CDIN1: variants seen among roughly 807,000 people sequenced by gnomAD.
The protein encoded by CDIN1 is CDAN1-interacting nuclease 1.
CDIN1 carries 33 observed loss-of-function variants against 45.3 expected under a neutral mutation model. That is an observed-to-expected ratio of 0.73 (90% confidence interval 0.55 to 0.97). The LOEUF (loss-of-function observed/expected upper bound fraction) is 0.97. Ranked by LOEUF, CDIN1 falls within the 50% of genes least tolerant of loss-of-function variation. The probability of loss-of-function intolerance (pLI) is 0.00; values close to 1 mark genes in which losing one functional copy is unlikely to be tolerated. For synonymous variants in CDIN1, 118 were observed against 124.4 expected, an observed-to-expected ratio of 0.95 and a Z score of 0.34; for missense variants, 303 against 339.4, an observed-to-expected ratio of 0.89 and a Z score of 0.84.
At chr15:36,606,859 C>G (rs1029162532) in intron 1 of CDIN1, among the ~76,000 whole-genome samples, 18 of 152,168 alleles carry the variant, frequency 1.2e-4, no homozygotes, top group African/African-American at 4.3e-4. Flanking sequence ...CCAGCAAGCT[C>G]TTTTTGTACA....
chr15:36,668,368 A>T (rs1402204971), intron 5 of CDIN1: 2 of 152,176 alleles, frequency 1.3e-5, no homozygotes, highest in East Asian at 3.8e-4. Flanking sequence ...TGACACATAA[A>T]TAGCTCTGAC....
intron 10 of CDIN1, among the ~76,000 whole-genome samples, chr15:36,727,330 T>C (rs1212154844): frequency 1.4e-5 from 2 of 145,590 alleles, no homozygotes; most frequent in African/African-American, 5.0e-5. Context: ...AAAGCTCATC[T>C]TTTTTCTTAA....
intron 1 of CDIN1, among the ~76,000 whole-genome samples, chr15:36,642,597 A>G (rs2040153669): frequency 6.6e-6 from 1 of 152,222 alleles, no homozygotes; most frequent in South Asian, 2.1e-4. Context: ...TCCTTGGCTT[A>G]TACAGTACTC....
chr15:36,807,656 G>A (rs887630140), intron 10 of CDIN1, among the ~76,000 whole-genome samples: 5 of 152,192 alleles, frequency 3.3e-5, no homozygotes, highest in East Asian at 3.9e-4. Context: ...AGCCCGTAGC[G>A]ATCTATACTT....
chr15:36,693,634 G>T (rs1434856149), intron 7 of CDIN1, among the ~76,000 whole-genome samples: 1 of 152,144 alleles, frequency 6.6e-6, no homozygotes, highest in African/African-American at 2.4e-5. Flanking sequence ...ATCTAATTAT[G>T]TATGCACGGA....
chr15:36,691,480 C>T (rs538374628), intron 5 of CDIN1, among the ~76,000 whole-genome samples: 1 of 151,578 alleles, frequency 6.6e-6, no homozygotes, highest in East Asian at 2.0e-4. Flanking sequence ...ATTAGGTCAT[C>T]ATCAAATCTG....
chr15:36,728,934 A>G (rs1053277067), intron 10 of CDIN1, among the ~76,000 whole-genome samples: 1 of 152,150 alleles, frequency 6.6e-6, no homozygotes, highest in Non-Finnish European at 1.5e-5. Context: ...TCAGCCTCCC[A>G]AAGTGCTCAG....
intron 10 of CDIN1, among the ~76,000 whole-genome samples, chr15:36,745,827 G>A (rs1056729185): frequency 1.3e-4 from 20 of 152,116 alleles, no homozygotes; most frequent in African/African-American, 4.1e-4. Context: ...TTAGCCAGGC[G>A]TGGGGGTGGA....
rs2140897879 is a variant in CDIN1, at chr15:36,726,588, T to C, written c.716+16627T>C. On this transcript the variant is annotated intron_variant, in intron 10 of 10. Transcript: ENST00000566621. Reference sequence around the variant, plus strand: ...TATCTACATAGGAATAGTTGAAAACTGCTTTTCACTTAACTATTACATGGA... The same window carrying C: ...TATCTACATAGGAATAGTTGAAAACCGCTTTTCACTTAACTATTACATGGA... Among the ~76,000 whole-genome samples, 2 of 152,376 alleles carry C rather than the reference T, an allele frequency of 1.3e-5. 1 individual carries two copies. Among genetic ancestry groups the C allele is most frequent in the Middle Eastern group, 6.8e-3 (2 of 294 alleles).
chr15:36,629,277 A>G (rs531353345), intron 1 of CDIN1, among the ~76,000 whole-genome samples: 1 of 152,206 alleles, frequency 6.6e-6, no homozygotes, highest in Non-Finnish European at 1.5e-5. Flanking sequence ...TTTTTAAGAT[A>G]AAGTCTTGAG....
chr15:36,786,246 G>A (rs1165025687), intron 10 of CDIN1, among the ~76,000 whole-genome samples: 1 of 152,158 alleles, frequency 6.6e-6, no homozygotes, highest in East Asian at 1.9e-4. Context: ...AGATAAAATT[G>A]TCTCAATCCT....
intron 1 of CDIN1, among the ~76,000 whole-genome samples, chr15:36,609,966 T>C (rs1375425090): frequency 6.6e-6 from 1 of 152,212 alleles, no homozygotes; most frequent in Non-Finnish European, 1.5e-5. Flanking sequence ...AGCTTCTGCC[T>C]TGTACAGCTC....
At chr15:36,791,486 A>T (rs560238812) in intron 10 of CDIN1, among the ~76,000 whole-genome samples, 672 of 152,314 alleles carry the variant, frequency 4.4e-3, no homozygotes, top group Non-Finnish European at 7.4e-3. Context: ...AACTCCTTAG[A>T]ATCATAAATC....
At chr15:36,802,326 ATAT>A (rs1198422241) in intron 10 of CDIN1, among the ~76,000 whole-genome samples, 1 of 152,116 alleles carries the variant, frequency 6.6e-6, no homozygotes, top group African/African-American at 2.4e-5. Flanking sequence ...TTGAGATCTT[ATAT>A]TATTTTATAT....
At chr15:36,782,256 A>G (rs367776867) in intron 10 of CDIN1, among the ~76,000 whole-genome samples, 1 of 152,170 alleles carries the variant, frequency 6.6e-6, no homozygotes, top group East Asian at 1.9e-4. Context: ...GTTATGTGGC[A>G]AAAACAAACG....
At chr15:36,700,255 C>T (rs918501165) in intron 8 of CDIN1, among the ~76,000 whole-genome samples, 4 of 152,156 alleles carry the variant, frequency 2.6e-5, no homozygotes, top group Non-Finnish European at 5.9e-5. Context: ...TGATTATAAG[C>T]ACTCTGTGCT....
At chr15:36,640,167 A>G (rs1252899701) in intron 1 of CDIN1, among the ~76,000 whole-genome samples, 6 of 152,102 alleles carry the variant, frequency 3.9e-5, no homozygotes, top group Non-Finnish European at 7.3e-5. Flanking sequence ...TTTGTGTAGT[A>G]TTGTTGAATT....
At chr15:36,598,643 G>A (rs2037950790) in intron 1 of CDIN1, among the ~76,000 whole-genome samples, 1 of 152,046 alleles carries the variant, frequency 6.6e-6, no homozygotes, top group Non-Finnish European at 1.5e-5. Flanking sequence ...AGAATCTCAA[G>A]TGCCACGTCT....
chr15:36,634,721 T>C (rs977336118), intron 1 of CDIN1, among the ~76,000 whole-genome samples: 1 of 152,198 alleles, frequency 6.6e-6, no homozygotes, highest in Non-Finnish European at 1.5e-5. Flanking sequence ...CTATTTTCTT[T>C]TGTGTGGTAG....
Sources: allele counts gnomAD v4.1 joint callset (sites outside exome capture counted in the v4.1 genomes callset), GRCh38; gene constraint gnomAD v4.1.1; transcripts MANE v1.5; gene names NCBI Gene and HGNC (gene_info 2026-07-23, HGNC 2026-07-21).